The following STK32C variants were observed in gnomAD, a reference collection of about 807,000 sequenced individuals.
STK32C encodes the protein serine/threonine-protein kinase 32C.
In STK32C, 31 loss-of-function variants were observed where a neutral mutation model predicts 56.5. The observed-to-expected ratio is 0.55, with a 90% CI of 0.41 to 0.74. STK32C has a LOEUF of 0.74. STK32C is among the 30% of genes least tolerant of loss of function. STK32C has a pLI of 0.00. For synonymous variants in STK32C, 309 were observed against 289.4 expected, an observed-to-expected ratio of 1.07 and a Z score of -0.69; for missense variants, 544 against 676.9, an observed-to-expected ratio of 0.80 and a Z score of 2.18.
intron 1 of STK32C, among the ~76,000 whole-genome samples, chr10:132,272,736 C>T (rs942195864): frequency 7.2e-5 from 11 of 152,202 alleles, no homozygotes; most frequent in Admixed American, 2.6e-4. Flanking sequence ...AAGCTGCAGG[C>T]GTCGTCCTTT....
chr10:132,242,428 T>TG (rs1050137259), intron 2 of STK32C, among the ~76,000 whole-genome samples: 1 of 152,024 alleles, frequency 6.6e-6, no homozygotes, highest in East Asian at 1.9e-4. Flanking sequence ...CACCTGAGGT[T>TG]GGGGGGGCTC....
chr10:132,225,219 C>T lies in STK32C; in HGVS notation c.876+14G>A. On this transcript the variant is annotated intron_variant, in intron 7 of 11. Coordinates refer to ENST00000298630, the MANE Select transcript of STK32C (RefSeq NM_173575.4). Reference sequence around the variant, plus strand: ...GCCTGGCAGCCAAGCCCAGGGGCTGCAGGGGGTCCATACCCATCCTCGCAG... The same window carrying T: ...GCCTGGCAGCCAAGCCCAGGGGCTGTAGGGGGTCCATACCCATCCTCGCAG... 3.8e-6 allele frequency: 6 copies of T among 1,586,800 alleles called. No homozygotes were observed. The highest frequency in any genetic ancestry group is 2.3e-5 in the East Asian group (1 of 44,046).
chr10:132,242,535 T>TC (rs920518529), intron 2 of STK32C, among the ~76,000 whole-genome samples: 2 of 150,862 alleles, frequency 1.3e-5, no homozygotes, highest in Non-Finnish European at 3.0e-5. Context: ...AGAGGGACCC[T>TC]CCCCCGGGAG....
intron 8 of STK32C, among the ~76,000 whole-genome samples, 155 bp from the exon 9 acceptor site, chr10:132,223,141 G>T (rs1485190508): frequency 6.6e-6 from 1 of 152,234 alleles, no homozygotes. Flanking sequence ...GGGTGGTGCC[G>T]ACGGCCGACA....
chr10:132,213,991 A>G (rs969396995), intron 10 of STK32C, among the ~76,000 whole-genome samples: 1 of 152,158 alleles, frequency 6.6e-6, no homozygotes, highest in Non-Finnish European at 1.5e-5. Context: ...AAAAAGAGTG[A>G]AAAAAATGAA....
At chr10:132,227,048 C>G (rs771774093) in intron 3 of STK32C, 80 bp from the exon 4 acceptor site, 36 of 1,512,416 alleles carry the variant, frequency 2.4e-5, no homozygotes, top group Non-Finnish European at 2.8e-5. Context: ...ACACACTCCC[C>G]CTAAGGACCA....
At position 132,239,045 on chromosome 10, in the gene STK32C, A is replaced by G. The variant is rs181344425; in HGVS notation, c.318+6855T>C. Among the ~76,000 whole-genome samples the G allele has an allele frequency of 1.8e-3, 267 of 152,324 alleles. 1 individual carries two copies. The highest frequency in any genetic ancestry group is 6.2e-3 in the African/African-American group (256 of 41,574). On this transcript the variant is annotated intron_variant, in intron 2 of 11. Coordinates refer to ENST00000298630, the MANE Select transcript of STK32C (RefSeq NM_173575.4). ...GCCAAGCACTCCCCATCAGAGGTCC[A>G]AGGGAGGAAGATCACACTGCACTTA...
chr10:132,217,270 G>C (rs1319068008), intron 10 of STK32C, among the ~76,000 whole-genome samples: 4 of 152,238 alleles, frequency 2.6e-5, no homozygotes, highest in Non-Finnish European at 5.9e-5. Flanking sequence ...AGATTTGACA[G>C]GCCTGCTGGA....
intron 2 of STK32C, among the ~76,000 whole-genome samples, chr10:132,245,308 G>A (rs1332969977): frequency 6.6e-6 from 1 of 152,124 alleles, no homozygotes; most frequent in Non-Finnish European, 1.5e-5. Flanking sequence ...GAAGCCGGAG[G>A]GCTAATTCCA....
At chr10:132,282,404 A>AG in intron 1 of STK32C, among the ~76,000 whole-genome samples, 1 of 152,212 alleles carries the variant, frequency 6.6e-6, no homozygotes, top group East Asian at 1.9e-4. Flanking sequence ...GGGCAGTGCC[A>AG]GGCGTCAGCT....
intron 2 of STK32C, among the ~76,000 whole-genome samples, chr10:132,240,195 C>CA (rs1306899431): frequency 1.3e-5 from 2 of 152,214 alleles, no homozygotes; most frequent in African/African-American, 4.8e-5. Flanking sequence ...AACTGAGTTT[C>CA]ATCCCAGAAC....
chr10:132,225,268 C>A lies in STK32C; in HGVS notation c.841G>T (p.Val281Leu). The A allele has an allele frequency of 2.5e-6, 4 of 1,611,702 alleles. No individual in the cohort carries two copies. Among genetic ancestry groups the A allele is most frequent in the Non-Finnish European group, 3.4e-6 (4 of 1,179,228 alleles). The change falls in exon 7 of 12, where the codon GTG becomes TTG. Residue 281 changes from valine (V) to leucine (L), a missense_variant. Val to Leu is a conservative substitution (Grantham distance 32). Around this residue, in one of 3 missense-constraint regions of STK32C, gnomAD observed 277 missense variants for 309.3 expected, o/e 0.90. Transcript: ENST00000298630. ...GYSFEVDWWS[V>L]GVMAYELLRG... ...AGCAGCTCATAGGCCATCACCCCCA[C>A]CGACCACCAGTCCACCTCGAAGGAG...
At chr10:132,304,895 T>C (rs922450162) in intron 1 of STK32C, among the ~76,000 whole-genome samples, 6 of 152,188 alleles carry the variant, frequency 3.9e-5, no homozygotes, top group Non-Finnish European at 7.4e-5. Context: ...TACTTCCTGC[T>C]GGCGGGCTAA....
At chr10:132,224,717 C>T (rs1462612675) in intron 7 of STK32C, among the ~76,000 whole-genome samples, 194 bp from the exon 8 acceptor site, 3 of 152,022 alleles carry the variant, frequency 2.0e-5, no homozygotes, top group Admixed American at 6.5e-5. Context: ...CTGGGTCCTG[C>T]GCCCTGGCTG....
intron 2 of STK32C, among the ~76,000 whole-genome samples, chr10:132,232,479 G>A (rs539820954): frequency 2.0e-5 from 3 of 152,080 alleles, no homozygotes; most frequent in African/African-American, 7.2e-5. Flanking sequence ...ATCACGCAGA[G>A]CAGTGTTTAC....
rs1316510958 is a variant in STK32C at position 132,295,880 on chromosome 10, C to T, written c.262+11692G>A. ...CCCGGGCGACGGAGCAAGATTCCAT[C>T]TTAAAAAAAAAAAGAATTCTGAATG... On this transcript the variant is annotated intron_variant, in intron 1 of 11. Transcript: ENST00000298630. Among the ~76,000 whole-genome samples the T allele has an allele frequency of 2.0e-5, 3 of 150,912 alleles. No individual in the cohort carries two copies. In the East Asian group the frequency reaches 5.8e-4, roughly 29 times the overall value.
At chr10:132,226,387 A>G (rs870427) in intron 4 of STK32C, among the ~76,000 whole-genome samples, 58,148 of 152,128 alleles carry the variant, frequency 0.38, 12,217 homozygotes, top group Middle Eastern at 0.51. Flanking sequence ...CCATCACACC[A>G]GCTCTGCTTC....
chr10:132,279,728 C>T (rs77206642), intron 1 of STK32C, among the ~76,000 whole-genome samples: 48 of 67,266 alleles, frequency 7.1e-4, no homozygotes, highest in African/African-American at 1.7e-3. Flanking sequence ...TCCCTGATCA[C>T]ACCACTGCAC....
chr10:132,259,671 C>T (rs1229244595), intron 1 of STK32C, among the ~76,000 whole-genome samples: 6 of 152,348 alleles, frequency 3.9e-5, no homozygotes, highest in Non-Finnish European at 5.9e-5. Context: ...CCCAGCCAGG[C>T]TTCCTGTACA....
Sources: gnomAD v4.1 joint callset for allele counts (sites outside exome capture counted in the v4.1 genomes callset) on GRCh38, gnomAD v4.1.1 for gene constraint, gnomAD v4.1.1 regional missense constraint, MANE v1.5 for transcripts, NCBI Gene and HGNC (gene_info 2026-07-23, HGNC 2026-07-21) for gene names.